PIP5K1B: variants seen among roughly 807,000 people sequenced by gnomAD.
PIP5K1B encodes phosphatidylinositol-4-phosphate 5-kinase type 1 beta.
In PIP5K1B, 42 loss-of-function variants were observed where a neutral mutation model predicts 67.0. The observed-to-expected ratio is 0.63, with a 90% confidence interval of 0.49 to 0.81. The LOEUF (loss-of-function observed/expected upper bound fraction) is 0.81, where lower values mean the gene tolerates loss of function less well. Among genes scored for constraint, PIP5K1B ranks in the 30% least tolerant of loss-of-function variants. The pLI is 0.00. For missense variants in PIP5K1B, 459 were observed against 646.3 expected, an observed-to-expected ratio of 0.71 and a Z score of 3.14; for synonymous variants, 214 against 231.4, an observed-to-expected ratio of 0.92 and a Z score of 0.68.
chr9:68,887,308 C>A (rs1824526409), intron 6 of PIP5K1B, among the ~76,000 whole-genome samples: 1 of 152,124 alleles, frequency 6.6e-6, no homozygotes, highest in African/African-American at 2.4e-5. Context: ...TTTTTAAATA[C>A]AGCAATGAGT....
At chr9:68,914,122 G>T (rs1587658038) in intron 8 of PIP5K1B, among the ~76,000 whole-genome samples, 1 of 152,122 alleles carries the variant, frequency 6.6e-6, no homozygotes, top group East Asian at 1.9e-4. Flanking sequence ...TGGATGCTTT[G>T]CTGAGGAAAA....
At chr9:68,769,977 T>C (rs536800675) in intron 2 of PIP5K1B, among the ~76,000 whole-genome samples, 2 of 152,304 alleles carry the variant, frequency 1.3e-5, no homozygotes, top group East Asian at 3.9e-4. Flanking sequence ...GCTCCTCTCA[T>C]CTGGGTTTTC....
intron 5 of PIP5K1B, among the ~76,000 whole-genome samples, chr9:68,875,832 G>A (rs1029553375): frequency 2.6e-5 from 4 of 152,136 alleles, no homozygotes; most frequent in Non-Finnish European, 5.9e-5. Context: ...AGTGGCTTAG[G>A]TGGTTTGACT....
chr9:68,902,865 G>A (rs1005553359), intron 8 of PIP5K1B, among the ~76,000 whole-genome samples: 5 of 152,152 alleles, frequency 3.3e-5, no homozygotes, highest in African/African-American at 1.2e-4. Context: ...CCCCAGAAAA[G>A]CTAAAGATAA....
intron 14 of PIP5K1B, among the ~76,000 whole-genome samples, chr9:68,972,829 A>G (rs1829452287): frequency 6.6e-6 from 1 of 152,198 alleles, no homozygotes; most frequent in African/African-American, 2.4e-5. Context: ...AATGTATTGA[A>G]CACAAGGGAC....
At chr9:68,949,611 A>G (rs771080438) in intron 14 of PIP5K1B, among the ~76,000 whole-genome samples, 1 of 152,248 alleles carries the variant, frequency 6.6e-6, no homozygotes, top group Non-Finnish European at 1.5e-5. Flanking sequence ...TACTTCAGAC[A>G]TGCCTGGACA....
chr9:68,989,094 CAAA>C (rs71353097), intron 14 of PIP5K1B, among the ~76,000 whole-genome samples: 3 of 55,982 alleles, frequency 5.4e-5, no homozygotes, highest in South Asian at 1.2e-3. Flanking sequence ...GACTCCGTCT[CAAA>C]AAAAAAAAAA....
intron 12 of PIP5K1B, among the ~76,000 whole-genome samples, chr9:68,929,484 C>T (rs1413280822): frequency 1.3e-5 from 2 of 152,132 alleles, no homozygotes; most frequent in Non-Finnish European, 2.9e-5. Context: ...CTTTTTCCTC[C>T]TTCACTGTCA....
intron 2 of PIP5K1B, among the ~76,000 whole-genome samples, chr9:68,791,313 G>A (rs940495857): frequency 6.6e-6 from 1 of 152,208 alleles, no homozygotes; most frequent in Admixed American, 6.5e-5. Context: ...TAGCTGTTGA[G>A]TATTGGTATC....
chr9:68,774,464 C>T (rs1450767676), intron 2 of PIP5K1B, among the ~76,000 whole-genome samples: 1 of 152,162 alleles, frequency 6.6e-6, no homozygotes, highest in Non-Finnish European at 1.5e-5. Context: ...TACATACATT[C>T]TTATCCTATT....
At chr9:68,875,351 G>GA (rs1218140598) in intron 5 of PIP5K1B, among the ~76,000 whole-genome samples, 1 of 130,564 alleles carries the variant, frequency 7.7e-6, no homozygotes, top group Non-Finnish European at 1.6e-5. Flanking sequence ...CGTGCAGGAG[G>GA]AAAAACTAGT....
intron 4 of PIP5K1B, among the ~76,000 whole-genome samples, chr9:68,823,371 G>A (rs1433802001): frequency 6.6e-6 from 1 of 152,156 alleles, no homozygotes; most frequent in Non-Finnish European, 1.5e-5. Context: ...GCAGTGTTCT[G>A]TGTATAATAT....
intron 1 of PIP5K1B, among the ~76,000 whole-genome samples, chr9:68,709,528 C>T (rs552423222): frequency 3.5e-4 from 54 of 152,266 alleles, no homozygotes; most frequent in Non-Finnish European, 6.2e-4. Flanking sequence ...ACCCTGTGCT[C>T]GGCCAAAATG....
chr9:68,887,878 G>A (rs1192742595), intron 6 of PIP5K1B, among the ~76,000 whole-genome samples: 2 of 152,132 alleles, frequency 1.3e-5, no homozygotes. Context: ...CAGAGAACAG[G>A]GGGCAGATGA....
intron 4 of PIP5K1B, among the ~76,000 whole-genome samples, chr9:68,856,942 A>C (rs1564187332): frequency 6.6e-6 from 1 of 152,252 alleles, no homozygotes; most frequent in Non-Finnish European, 1.5e-5. Context: ...GATTAAGTTA[A>C]AGATTTTGAG....
intron 14 of PIP5K1B, among the ~76,000 whole-genome samples, chr9:68,987,610 G>T (rs886661368): frequency 6.6e-6 from 1 of 152,114 alleles, no homozygotes; most frequent in Non-Finnish European, 1.5e-5. Flanking sequence ...TTTAAATGTG[G>T]ACTATTGTAT....
chr9:68,904,562 G>A (rs1248221258), intron 8 of PIP5K1B, among the ~76,000 whole-genome samples: 1 of 152,212 alleles, frequency 6.6e-6, no homozygotes, highest in East Asian at 1.9e-4. Flanking sequence ...CAATGTGCAT[G>A]CACACGAAAT....
At chr9:68,942,417 A>C (rs191811414) in intron 14 of PIP5K1B, among the ~76,000 whole-genome samples, 32 of 152,298 alleles carry the variant, frequency 2.1e-4, no homozygotes, top group African/African-American at 7.7e-4. Flanking sequence ...TGAGATTTTC[A>C]GCCAACAATA....
In PIP5K1B at chr9:68,708,384, C is replaced by T. The variant is rs75392353; in HGVS notation, c.-243+2622C>T. Among the ~76,000 whole-genome samples the T allele has an allele frequency of 7.4e-3, 1,133 of 152,242 alleles. 13 individuals are homozygous for T. Among genetic ancestry groups the T allele is most frequent in the African/African-American group, 0.026 (1,085 of 41,520 alleles). On this transcript the variant is annotated intron_variant, in intron 1 of 15. Transcript: ENST00000265382. The stretch of plus-strand genomic sequence containing the variant: ...AGCATCTTACCATGTAAATTCCCAA[C>T]ACATAAGATAATTTGCCTACAGGCA...
Sources: gnomAD v4.1 joint callset for allele counts (sites outside exome capture counted in the v4.1 genomes callset) on GRCh38, gnomAD v4.1.1 for gene constraint, MANE v1.5 for transcripts, NCBI Gene and HGNC (gene_info 2026-07-23, HGNC 2026-07-21) for gene names.